ATF6: variants seen among roughly 807,000 people sequenced by gnomAD.
ATF6 encodes activating transcription factor 6.
ATF6 carries 53 observed loss-of-function variants against 83.6 expected under a neutral mutation model. The ratio of observed to expected loss-of-function variants is 0.63; its 90% confidence interval spans 0.51 to 0.80. ATF6 has a LOEUF of 0.80. ATF6 is among the 30% of genes least tolerant of loss of function. The pLI, the probability that ATF6 is intolerant of heterozygous loss-of-function variation, is 0.00. For missense variants in ATF6, 744 were observed against 797.9 expected, an observed-to-expected ratio of 0.93 and a Z score of 0.81; for synonymous variants, 288 against 285.8, an observed-to-expected ratio of 1.01 and a Z score of -0.08.
intron 7 of ATF6, among the ~76,000 whole-genome samples, chr1:161,810,684 TG>T (rs1324469039): frequency 6.6e-6 from 1 of 152,170 alleles, no homozygotes; most frequent in Non-Finnish European, 1.5e-5. Flanking sequence ...TACAATTTAG[TG>T]GTACCATCAC....
chr1:161,952,594 T>A (rs1409339353), intron 15 of ATF6, among the ~76,000 whole-genome samples: 2 of 152,086 alleles, frequency 1.3e-5, no homozygotes, highest in Non-Finnish European at 2.9e-5. Context: ...TACTACTGTG[T>A]CCCCCTGTGC....
chr1:161,927,275 T>A (rs1025432853), intron 15 of ATF6, among the ~76,000 whole-genome samples: 4 of 152,178 alleles, frequency 2.6e-5, no homozygotes, highest in Admixed American at 6.5e-5. Flanking sequence ...AGGCAAGCAT[T>A]TTATTTAAAT....
chr1:161,834,440 G>A (rs1408694052), intron 9 of ATF6, among the ~76,000 whole-genome samples: 1 of 152,080 alleles, frequency 6.6e-6, no homozygotes, highest in African/African-American at 2.4e-5. Flanking sequence ...GGAATACTAT[G>A]CAGCCATAAA....
intron 14 of ATF6, among the ~76,000 whole-genome samples, chr1:161,892,647 T>TTTTTTA (rs1687581969): frequency 6.7e-6 from 1 of 149,402 alleles, no homozygotes; most frequent in African/African-American, 2.5e-5. Flanking sequence ...TTTTTTTTTT[T>TTTTTTA]GAGATGGAGT....
At chr1:161,774,324 C>T (rs963743967) in intron 1 of ATF6, among the ~76,000 whole-genome samples, 12 of 151,462 alleles carry the variant, frequency 7.9e-5, no homozygotes, top group Admixed American at 2.6e-4. Context: ...AGCAGGGAGA[C>T]GTTTTGGAGG....
intron 1 of ATF6, among the ~76,000 whole-genome samples, chr1:161,767,218 A>G (rs1406326128): frequency 6.6e-6 from 1 of 152,062 alleles, no homozygotes. Flanking sequence ...AGGTTCCCAA[A>G]TGGGCCCGCT....
intron 14 of ATF6, among the ~76,000 whole-genome samples, chr1:161,907,816 A>G (rs369670598): frequency 7.9e-5 from 12 of 152,166 alleles, no homozygotes; most frequent in African/African-American, 2.9e-4. Context: ...GTCCAAATCC[A>G]CTCTTCAGAG....
chr1:161,849,686 T>C (rs1238793814), intron 10 of ATF6, among the ~76,000 whole-genome samples: 1 of 142,632 alleles, frequency 7.0e-6, no homozygotes, highest in Non-Finnish European at 1.5e-5. Flanking sequence ...TTATTTTCTT[T>C]CTGCCTAGGT....
In ATF6 at chr1:161,851,746, C is replaced by T. The variant is rs1686636904; in HGVS notation, c.1344C>T (p.Asp448=). Residue 448 remains aspartate (D), a synonymous_variant, in exon 11 of 16, where the codon GAC becomes GAT. Coordinates refer to ENST00000367942, the MANE Select transcript of ATF6 (RefSeq NM_007348.4). ...GATATGATCATTCTGTTTCAAATGA[C>T]AAAGCCCTGATGGTGCTAACTGAAG... The part of the protein sequence containing the change: ...SYRYDHSVSN[D]KALMVLTEEP... 6.2e-7 allele frequency: 1 copy of T among 1,613,612 alleles called. No individual in the cohort carries two copies. Among genetic ancestry groups the T allele is most frequent in the Non-Finnish European group, 8.5e-7 (1 of 1,179,670 alleles).
At chr1:161,809,430 A>G (rs1487695951) in intron 7 of ATF6, among the ~76,000 whole-genome samples, 1 of 152,096 alleles carries the variant, frequency 6.6e-6, no homozygotes. Context: ...CATTTTTTTA[A>G]TCCAGTCTGT....
At chr1:161,886,332 G>A (rs189307580) in intron 14 of ATF6, among the ~76,000 whole-genome samples, 85 of 152,238 alleles carry the variant, frequency 5.6e-4, no homozygotes, top group Non-Finnish European at 1.1e-3. Flanking sequence ...CCTGTTAAAC[G>A]AAGAAATTTT....
At chr1:161,841,421 A>C (rs548111070) in intron 9 of ATF6, among the ~76,000 whole-genome samples, 1 of 152,198 alleles carries the variant, frequency 6.6e-6, no homozygotes, top group Non-Finnish European at 1.5e-5. Flanking sequence ...GCTTAAGAGA[A>C]ATTCCATTTT....
chr1:161,922,397 T>C (rs931745434), intron 15 of ATF6, among the ~76,000 whole-genome samples: 1 of 152,154 alleles, frequency 6.6e-6, no homozygotes, highest in South Asian at 2.1e-4. Context: ...GATTCTCCTT[T>C]ATGCCTAATG....
intron 7 of ATF6, among the ~76,000 whole-genome samples, chr1:161,816,851 T>C (rs1375915873): frequency 6.6e-6 from 1 of 152,186 alleles, no homozygotes; most frequent in East Asian, 1.9e-4. Flanking sequence ...ATGTTTAGCC[T>C]ACAAATCATA....
At chr1:161,948,017 C>G (rs1327558452) in intron 15 of ATF6, among the ~76,000 whole-genome samples, 1 of 151,766 alleles carries the variant, frequency 6.6e-6, no homozygotes, top group Non-Finnish European at 1.5e-5. Context: ...AGAGACAGGG[C>G]TTCGCCACAT....
At chr1:161,886,552 T>A (rs1366112439) in intron 14 of ATF6, among the ~76,000 whole-genome samples, 1 of 152,212 alleles carries the variant, frequency 6.6e-6, no homozygotes, top group Non-Finnish European at 1.5e-5. Flanking sequence ...AAAACCAAAT[T>A]TCTTAGCCAT....
At position 161,807,865 on chromosome 1, in the gene ATF6, C is replaced by CTTTTTTTTTTTTTTTT. The variant is rs761462420; in HGVS notation, c.909+5610_909+5625dup. On this transcript the variant is annotated intron_variant, in intron 7 of 15. Transcript: ENST00000367942. Reference sequence around the variant, plus strand: ...CTTTTTGTACTTTTTAGTTTGTCATCTTTTTTTTTTTTTTTTTTTTTTTTT... The same window carrying CTTTTTTTTTTTTTTTT: ...CTTTTTGTACTTTTTAGTTTGTCATCTTTTTTTTTTTTTTTTTTTTTTTTTTTTTTTTTTTTTTTTT... 4.0e-4 allele frequency among the ~76,000 whole-genome samples: 13 copies of CTTTTTTTTTTTTTTTT among 32,338 alleles called. 2 individuals carry two copies. Among genetic ancestry groups the CTTTTTTTTTTTTTTTT allele is most frequent in the Non-Finnish European group, 5.2e-4 (9 of 17,390 alleles). The allele number at this position is 32,338 out of a possible 152,430, so 21.2% of individuals were successfully genotyped here.
intron 10 of ATF6, among the ~76,000 whole-genome samples, chr1:161,850,720 C>G (rs190357141): frequency 6.6e-6 from 1 of 152,138 alleles, no homozygotes; most frequent in Non-Finnish European, 1.5e-5. Flanking sequence ...GTGAGTCTCA[C>G]TATGTTCAGT....
chr1:161,857,702 G>GACATTTAAATATCTTA (rs1211550007), intron 12 of ATF6, among the ~76,000 whole-genome samples: 17 of 152,038 alleles, frequency 1.1e-4, no homozygotes, highest in Admixed American at 2.6e-4. Context: ...TCTTATGTGT[G>GACATTTAAATATCTTA]TGTATTTAAA....
Sources: allele counts gnomAD v4.1 joint callset (sites outside exome capture counted in the v4.1 genomes callset), GRCh38; gene constraint gnomAD v4.1.1; transcripts MANE v1.5; gene names NCBI Gene and HGNC (gene_info 2026-07-23, HGNC 2026-07-21).